The following POLA1 variants were observed in gnomAD, a reference collection of about 807,000 sequenced individuals.
The protein encoded by POLA1 is DNA polymerase alpha catalytic subunit.
Under a neutral mutation model 124.0 loss-of-function variants are expected in POLA1, and 15 were observed. That is an observed-to-expected ratio of 0.12 (90% CI 0.08 to 0.19). The LOEUF (loss-of-function observed/expected upper bound fraction) is 0.19. Among genes scored for constraint, POLA1 ranks in the 10% least tolerant of loss-of-function variants. The pLI is 1.00. For synonymous variants in POLA1, 408 were observed against 389.4 expected (o/e 1.05, Z -0.56); for missense variants, 886 against 1,103.4 (o/e 0.80, Z 2.79).
At chrX:24,910,766 A>G (rs769460720) in intron 35 of POLA1, among the ~76,000 whole-genome samples, 1 of 112,096 alleles carries the variant, frequency 8.9e-6, no homozygotes, top group African/African-American at 3.2e-5. Flanking sequence ...AAAAATTGGC[A>G]GAAAGGAAAG....
chrX:24,899,840 C>T (rs1475522786), intron 35 of POLA1, among the ~76,000 whole-genome samples: 1 of 111,573 alleles, frequency 9.0e-6, no homozygotes, highest in East Asian at 2.8e-4. Flanking sequence ...CCTTTCCTGC[C>T]GTCTTATGCC....
chrX:24,886,966 C>G lies in POLA1; in HGVS notation c.4048-1040C>G, dbSNP rs770462233. On this transcript the variant is annotated intron_variant, in intron 34 of 36. Coordinates refer to ENST00000379068, the MANE Select transcript of POLA1 (RefSeq NM_001330360.2). ...CCAAGATCTACAGATAGTCAGGTCCCTACTGGGGGCTCCACAGGTGAGAAC... is the reference window on the plus strand; with the variant it reads ...CCAAGATCTACAGATAGTCAGGTCCGTACTGGGGGCTCCACAGGTGAGAAC... Among the ~76,000 whole-genome samples the G allele has an allele frequency of 2.7e-5, 3 of 111,660 alleles. No individual in the cohort carries two copies. The East Asian group carries it at 8.4e-4, about 31-fold the overall frequency.
chrX:24,770,558 C>A (rs369681274), intron 26 of POLA1, among the ~76,000 whole-genome samples: 1 of 111,580 alleles, frequency 9.0e-6, no homozygotes. Flanking sequence ...GGTCTAAACT[C>A]AGGAGGGTAA....
In POLA1 at chrX:24,995,729, C is replaced by A. The variant is rs1042593190; in HGVS notation, c.4262-76C>A. On this transcript the variant is annotated intron_variant, in intron 36 of 36. Coordinates refer to ENST00000379068, the MANE Select transcript of POLA1 (RefSeq NM_001330360.2). ...TGGAGATACAAATGGAATCAGCATCCCCTTCTCTGGTGGAATACTGAATGT... is the reference window on the plus strand; with the variant it reads ...TGGAGATACAAATGGAATCAGCATCACCTTCTCTGGTGGAATACTGAATGT... 29 of 901,051 alleles carry A rather than the reference C, an allele frequency of 3.2e-5. No homozygotes were observed. The Admixed American group carries it at 6.6e-4, about 20-fold the overall frequency. The allele number at this position is 901,051 out of a possible 1,213,427, so 74.3% of individuals were successfully genotyped here.
chrX:24,889,356 C>G (rs759091920), intron 35 of POLA1, among the ~76,000 whole-genome samples: 1 of 112,212 alleles, frequency 8.9e-6, no homozygotes, highest in Non-Finnish European at 1.9e-5. Flanking sequence ...GAGAAGTTTG[C>G]AGGTTCTTTG....
chrX:24,705,697 C>A (rs564172292), intron 4 of POLA1, among the ~76,000 whole-genome samples: 1 of 110,001 alleles, frequency 9.1e-6, no homozygotes, highest in South Asian at 4.0e-4. Flanking sequence ...AACACCTCCC[C>A]CCCTCCCCTG....
At chrX:24,694,931 GGA>G (rs1927873356) in intron 1 of POLA1, among the ~76,000 whole-genome samples, 2 of 111,931 alleles carry the variant, frequency 1.8e-5, no homozygotes, top group South Asian at 7.5e-4. Context: ...AGACTATTTT[GGA>G]GAGTCGACCT....
intron 35 of POLA1, among the ~76,000 whole-genome samples, chrX:24,891,450 G>A (rs957821577): frequency 1.8e-5 from 2 of 111,774 alleles, no homozygotes; most frequent in African/African-American, 6.5e-5. Flanking sequence ...AATAATGGGC[G>A]AGGAATTTCT....
At chrX:24,877,557 G>A (rs1346015056) in intron 34 of POLA1, among the ~76,000 whole-genome samples, 1 of 111,953 alleles carries the variant, frequency 8.9e-6, no homozygotes, top group Non-Finnish European at 1.9e-5. Flanking sequence ...GAGCAGGCCA[G>A]AAGAGTAAAG....
chrX:24,851,595 A>C (rs1487825502), intron 34 of POLA1, among the ~76,000 whole-genome samples: 2 of 113,162 alleles, frequency 1.8e-5, no homozygotes, highest in African/African-American at 6.4e-5. Flanking sequence ...CACGTGTTGA[A>C]CCTGGGGTTT....
At chrX:24,953,628 G>GGGA (rs2048072747) in intron 36 of POLA1, among the ~76,000 whole-genome samples, 2 of 111,623 alleles carry the variant, frequency 1.8e-5, no homozygotes, top group East Asian at 5.6e-4. Context: ...AGGCAACGAA[G>GGGA]GGAAAGTAAC....
chrX:24,947,853 A>C (rs2047987056), intron 36 of POLA1, among the ~76,000 whole-genome samples: 1 of 112,025 alleles, frequency 8.9e-6, no homozygotes, highest in Non-Finnish European at 1.9e-5. Context: ...AATAGCCCAC[A>C]AGAAATCTGG....
intron 34 of POLA1, among the ~76,000 whole-genome samples, chrX:24,852,519 A>G (rs746519159): frequency 9.0e-6 from 1 of 111,035 alleles, no homozygotes; most frequent in Admixed American, 9.5e-5. Context: ...CATGTTGGTC[A>G]GGCTGATCTC....
At chrX:24,746,713 A>G (rs1248887632) in intron 24 of POLA1, among the ~76,000 whole-genome samples, 1 of 112,069 alleles carries the variant, frequency 8.9e-6, no homozygotes, top group Non-Finnish European at 1.9e-5. Flanking sequence ...GATCTCTTTA[A>G]TAGATTTACT....
Position 24,715,181 on chromosome X carries a change from T to C in POLA1, c.503T>C (p.Ile168Thr). 8.6e-7 allele frequency: 1 copy of C among 1,169,145 alleles called. No homozygotes were observed. ...DLSKDGLLGD[I>T]LQDLNTETPQ... is the part of the protein sequence containing the mutation. ...TCCAAGGATGGTCTGCTAGGTGACA[T>C]TCTACAGGATCTTAACACTGAGGTA... The change falls in exon 6 of 37, where the codon ATT becomes ACT. Residue 168 changes from isoleucine to threonine, a missense_variant. Transcript: ENST00000379068.
intron 36 of POLA1, among the ~76,000 whole-genome samples, chrX:24,980,326 T>A (rs1475064479): frequency 8.9e-6 from 1 of 112,201 alleles, no homozygotes; most frequent in Non-Finnish European, 1.9e-5. Flanking sequence ...CGAGTTTCTC[T>A]CTGAACTCTG....
At chrX:24,964,304 T>C (rs2048199909) in intron 36 of POLA1, among the ~76,000 whole-genome samples, 1 of 112,384 alleles carries the variant, frequency 8.9e-6, no homozygotes. Context: ...ATGTAAAGAT[T>C]TGAGTTTACC....
chrX:24,760,140 C>T (rs1241310452), intron 26 of POLA1, among the ~76,000 whole-genome samples: 1 of 111,996 alleles, frequency 8.9e-6, no homozygotes, highest in African/African-American at 3.2e-5. Flanking sequence ...TACAGTTGGT[C>T]TAGGTAGGCA....
At chrX:24,872,205 A>G (rs954080835) in intron 34 of POLA1, among the ~76,000 whole-genome samples, 10 of 112,124 alleles carry the variant, frequency 8.9e-5, no homozygotes, top group Admixed American at 2.8e-4. Flanking sequence ...CCAAGAAACT[A>G]TCACAGACAA....
Sources: gnomAD v4.1 joint callset for allele counts (sites outside exome capture counted in the v4.1 genomes callset) on GRCh38, gnomAD v4.1.1 for gene constraint, MANE v1.5 for transcripts, NCBI Gene and HGNC (gene_info 2026-07-23, HGNC 2026-07-21) for gene names.